TSPAN7: variants seen among roughly 807,000 people sequenced by gnomAD.
TSPAN7 encodes the protein tetraspanin 7.
Under a neutral mutation model 17.6 loss-of-function variants are expected in TSPAN7, and 1 was observed. The observed-to-expected ratio is 0.06, with a 90% CI of 0.02 to 0.27. TSPAN7 has a LOEUF of 0.27. Ranked by LOEUF, TSPAN7 falls within the 10% of genes least tolerant of loss-of-function variation. TSPAN7 has a pLI of 1.00. For missense variants in TSPAN7, 112 were observed against 201.7 expected, an observed-to-expected ratio of 0.56 and a Z score of 2.69; for synonymous variants, 78 against 79.0, an observed-to-expected ratio of 0.99 and a Z score of 0.07.
chrX:38,613,483 AT>A (rs1284534112), intron 1 of TSPAN7, among the ~76,000 whole-genome samples: 1 of 110,893 alleles, frequency 9.0e-6, no homozygotes, highest in Non-Finnish European at 1.9e-5. Flanking sequence ...AGCTTGTTGA[AT>A]TTTTTTTCAC....
intron 1 of TSPAN7, among the ~76,000 whole-genome samples, chrX:38,597,748 T>C (rs1416428854): frequency 1.8e-5 from 2 of 111,747 alleles, no homozygotes; most frequent in African/African-American, 6.5e-5. Flanking sequence ...GAATGAACTA[T>C]ATGTTTAAAA....
chrX:38,640,791 A>G (rs933854457), intron 1 of TSPAN7, among the ~76,000 whole-genome samples: 2 of 112,621 alleles, frequency 1.8e-5, no homozygotes, highest in South Asian at 3.7e-4. Flanking sequence ...AGAAAGATCT[A>G]TCTCACACTT....
rs1245846359 is a variant in TSPAN7 at position 38,586,863 on chromosome X, C to A, written c.81+25236C>A. 3.6e-5 allele frequency among the ~76,000 whole-genome samples: 4 copies of A among 112,204 alleles called. No homozygotes were observed. In the Admixed American group the frequency reaches 3.8e-4, roughly 11 times the overall value. ...AGGAAGGCATTGATCATATTGATTACCTATATTTGAAAGTGTCCTAAATAA... is the reference window on the plus strand; with the variant it reads ...AGGAAGGCATTGATCATATTGATTAACTATATTTGAAAGTGTCCTAAATAA... On this transcript the variant is annotated intron_variant, in intron 1 of 7. Coordinates refer to ENST00000378482, the MANE Select transcript of TSPAN7 (RefSeq NM_004615.4).
At position 38,661,920 on chromosome X, in the gene TSPAN7, G is replaced by C. The variant is rs773410189; in HGVS notation, c.82-4201G>C. 6.4e-4 allele frequency among the ~76,000 whole-genome samples: 71 copies of C among 111,240 alleles called. 1 individual carries two copies. The highest frequency in any genetic ancestry group is 1.1e-3 in the Non-Finnish European group (58 of 53,006). On this transcript the variant is annotated intron_variant, in intron 1 of 7. Transcript: ENST00000378482. ...GGGTGCTTGCAAAAGTACATGTGTG[G>C]AGTGAATGTGTGTTGATGAGAGCCA...
chrX:38,671,895 T>C (rs1309641010), intron 3 of TSPAN7, among the ~76,000 whole-genome samples: 1 of 109,946 alleles, frequency 9.1e-6, no homozygotes, highest in African/African-American at 3.3e-5. Flanking sequence ...ATAAAAAAAA[T>C]AAATTAGCTG....
chrX:38,573,130 G>T (rs932234903), intron 1 of TSPAN7, among the ~76,000 whole-genome samples: 10 of 111,666 alleles, frequency 9.0e-5, no homozygotes, highest in Non-Finnish European at 1.9e-4. Flanking sequence ...ATTCCTTAGG[G>T]TGTAAAGTGT....
At chrX:38,658,364 G>C (rs2069717622) in intron 1 of TSPAN7, among the ~76,000 whole-genome samples, 1 of 105,608 alleles carries the variant, frequency 9.5e-6, no homozygotes, top group Non-Finnish European at 1.9e-5. Flanking sequence ...TTTTTTTTTA[G>C]AGATGGGGTC....
rs1415477272 is a variant in TSPAN7, at chrX:38,593,610, C to T, written c.81+31983C>T. Among the ~76,000 whole-genome samples the T allele has an allele frequency of 2.7e-5, 3 of 112,212 alleles. No homozygotes were observed. The East Asian group carries it at 8.5e-4, about 32-fold the overall frequency. On this transcript the variant is annotated intron_variant, in intron 1 of 7. Transcript: ENST00000378482. Reference sequence around the variant, plus strand: ...AGGTGATTAGGCTATGAGAGCTCTGCCCCCATAAATGGATTAATGCTGTTA... The same window carrying T: ...AGGTGATTAGGCTATGAGAGCTCTGTCCCCATAAATGGATTAATGCTGTTA...
At chrX:38,609,237 G>C (rs1457723701) in intron 1 of TSPAN7, among the ~76,000 whole-genome samples, 2 of 111,582 alleles carry the variant, frequency 1.8e-5, no homozygotes, top group Non-Finnish European at 3.8e-5. Context: ...TGAAAGCATT[G>C]GCAAGCTGAA....
At chrX:38,669,832 A>G (rs895357329) in intron 2 of TSPAN7, among the ~76,000 whole-genome samples, 1 of 112,225 alleles carries the variant, frequency 8.9e-6, no homozygotes. Context: ...CTACAGAGAT[A>G]AATGCCCTTT....
chrX:38,684,037 A>T (rs774070729), intron 6 of TSPAN7, among the ~76,000 whole-genome samples: 42 of 111,612 alleles, frequency 3.8e-4, no homozygotes, highest in Non-Finnish European at 7.2e-4. Flanking sequence ...CCTCCCTCCC[A>T]CTTTTGCTCT....
At chrX:38,587,247 T>A (rs778408681) in intron 1 of TSPAN7, among the ~76,000 whole-genome samples, 3 of 112,425 alleles carry the variant, frequency 2.7e-5, no homozygotes, top group African/African-American at 6.5e-5. Flanking sequence ...GTTTTTATCT[T>A]TCCTTACATT....
chrX:38,651,581 C>A (rs911982381), intron 1 of TSPAN7, among the ~76,000 whole-genome samples: 9 of 111,960 alleles, frequency 8.0e-5, no homozygotes, highest in African/African-American at 2.9e-4. Context: ...AGGACATCTT[C>A]GTTGTGCTTT....
intron 1 of TSPAN7, among the ~76,000 whole-genome samples, chrX:38,653,439 C>A (rs1420090590): frequency 9.0e-6 from 1 of 111,527 alleles, no homozygotes; most frequent in Non-Finnish European, 1.9e-5. Flanking sequence ...GCACCTGTGG[C>A]CTCTTGTTTC....
At chrX:38,642,934 T>C (rs1032137512) in intron 1 of TSPAN7, among the ~76,000 whole-genome samples, 1 of 111,290 alleles carries the variant, frequency 9.0e-6, no homozygotes, top group Admixed American at 9.5e-5. Flanking sequence ...CTTTGTATGC[T>C]GTGGTGATAG....
chrX:38,598,118 C>T (rs1456212569), intron 1 of TSPAN7, among the ~76,000 whole-genome samples: 3 of 111,221 alleles, frequency 2.7e-5, no homozygotes, highest in Non-Finnish European at 5.7e-5. Flanking sequence ...AAATCTGTGT[C>T]CTCCTCTCCT....
At chrX:38,578,589 TTGAG>T (rs1057402193) in intron 1 of TSPAN7, among the ~76,000 whole-genome samples, 2 of 110,998 alleles carry the variant, frequency 1.8e-5, no homozygotes, top group African/African-American at 6.6e-5. Context: ...AGGCCGCTCT[TTGAG>T]TGGTGCCTCA....
At chrX:38,666,877 G>C (rs2069785855) in intron 2 of TSPAN7, among the ~76,000 whole-genome samples, 1 of 111,995 alleles carries the variant, frequency 8.9e-6, no homozygotes, top group Admixed American at 9.5e-5. Context: ...TGGGATTACA[G>C]GCTTGAGCCA....
At chrX:38,565,753 T>A (rs1298969639) in intron 1 of TSPAN7, among the ~76,000 whole-genome samples, 1 of 112,010 alleles carries the variant, frequency 8.9e-6, no homozygotes, top group Non-Finnish European at 1.9e-5. Flanking sequence ...AAAGAGAGAT[T>A]ATTGTTTTAT....
Sources: gnomAD v4.1 joint callset for allele counts (sites outside exome capture counted in the v4.1 genomes callset) on GRCh38, gnomAD v4.1.1 for gene constraint, MANE v1.5 for transcripts, NCBI Gene and HGNC (gene_info 2026-07-23, HGNC 2026-07-21) for gene names.